Variants in ERN1 observed in about 807,000 individuals in gnomAD.
The protein encoded by ERN1 is serine/threonine-protein kinase/endoribonuclease IRE1.
A neutral mutation model predicts 113.1 loss-of-function variants in ERN1; 39 were observed. That is an observed-to-expected ratio of 0.34 (90% CI 0.27 to 0.45). The LOEUF (loss-of-function observed/expected upper bound fraction) is 0.45, where lower values mean the gene tolerates loss of function less well. Among genes scored for constraint, ERN1 ranks in the 20% least tolerant of loss-of-function variants. The pLI is 1.00. For synonymous variants in ERN1, 507 were observed against 515.9 expected, an observed-to-expected ratio of 0.98 and a Z score of 0.23; for missense variants, 976 against 1,274.8, an observed-to-expected ratio of 0.77 and a Z score of 3.57.
intron 2 of ERN1, among the ~76,000 whole-genome samples, chr17:64,083,793 G>A (rs1293892756): frequency 6.6e-6 from 1 of 152,142 alleles, no homozygotes; most frequent in Non-Finnish European, 1.5e-5. Flanking sequence ...ACACCTGCAG[G>A]AACTGACATC....
intron 2 of ERN1, among the ~76,000 whole-genome samples, chr17:64,089,344 A>T (rs1325107767): frequency 6.7e-6 from 1 of 150,308 alleles, no homozygotes; most frequent in African/African-American, 2.5e-5. Context: ...AAAAAAAAAA[A>T]AGAGGAACGT....
intron 2 of ERN1, among the ~76,000 whole-genome samples, chr17:64,086,037 C>T (rs922628242): frequency 6.6e-6 from 1 of 152,174 alleles, no homozygotes; most frequent in African/African-American, 2.4e-5. Flanking sequence ...ATGCTTTTGT[C>T]TTCACACTCA....
chr17:64,128,041 A>C (rs1001157835), intron 1 of ERN1, among the ~76,000 whole-genome samples: 6 of 150,986 alleles, frequency 4.0e-5, no homozygotes, highest in Non-Finnish European at 7.4e-5. Flanking sequence ...TTGCTCTGTC[A>C]CCCAGGCTGG....
At position 64,049,335 on chromosome 17, in the gene ERN1, A is replaced by G. The variant is rs1413183586; in HGVS notation, c.2254-133T>C. ...CTGGGAGAATCAGCTGACATATGTGAGCTGCACAGAGCAGCGAGGGCTAAC... is the reference window on the plus strand; with the variant it reads ...CTGGGAGAATCAGCTGACATATGTGGGCTGCACAGAGCAGCGAGGGCTAAC... On this transcript the variant is annotated intron_variant, in intron 17 of 21. Transcript: ENST00000433197. This position sits in a 1 kb window ranked among gnomAD's most constrained non-coding sequence, Gnocchi z 4.7. 2 of 899,264 alleles carry G rather than the reference A, an allele frequency of 2.2e-6. No individual in the cohort carries two copies. Among genetic ancestry groups the G allele is most frequent in the Non-Finnish European group, 3.2e-6 (2 of 627,944 alleles). 55.7% of individuals were successfully genotyped at this position (899,264 alleles called of 1,614,324 possible). A position where few individuals can be genotyped will look rare whatever the true frequency, so the allele number is the denominator to read the frequency against.
At chr17:64,059,329 G>T (rs1161278330) in intron 11 of ERN1, among the ~76,000 whole-genome samples, 2 of 152,168 alleles carry the variant, frequency 1.3e-5, no homozygotes, top group Non-Finnish European at 2.9e-5. Flanking sequence ...TTGTGCTTTT[G>T]GTCTCGGCAT....
intron 1 of ERN1, among the ~76,000 whole-genome samples, chr17:64,116,927 A>G (rs1598089955): frequency 2.1e-5 from 3 of 143,834 alleles, no homozygotes; most frequent in Non-Finnish European, 4.5e-5. Context: ...ACACGGTGAA[A>G]CCCTGTCTTT....
chr17:64,064,681 G>C (rs1169242495), intron 9 of ERN1, among the ~76,000 whole-genome samples: 11 of 152,230 alleles, frequency 7.2e-5, no homozygotes, highest in Non-Finnish European at 1.5e-4. Flanking sequence ...TGGACTTTCA[G>C]AGACAGAATG....
At chr17:64,084,087 G>A (rs75738140) in intron 2 of ERN1, among the ~76,000 whole-genome samples, 1,786 of 151,796 alleles carry the variant, frequency 0.012, 68 homozygotes, top group Admixed American at 0.085. Flanking sequence ...CCCCTCTCCC[G>A]GGTCCTTTCT....
chr17:64,057,949 G>T lies in ERN1; in HGVS notation c.1251C>A (p.Thr417=). 2 of 1,602,004 alleles carry T rather than the reference G, an allele frequency of 1.2e-6. No individual in the cohort carries two copies. The highest frequency in any genetic ancestry group is 1.7e-6 in the Non-Finnish European group (2 of 1,174,348). The change falls in exon 12 of 22, where the codon ACC becomes ACA. Residue 417 remains threonine (T), a synonymous_variant. Transcript: ENST00000433197. ...GCTTCTCCTCCACATCCCGAGACAC[G>T]GTGGTAGGTGCGTTTTCTGAAGTCT... is the stretch of plus-strand genomic sequence containing the variant. ...VDQTSENAPT[T]VSRDVEEKPA...
intron 1 of ERN1, among the ~76,000 whole-genome samples, chr17:64,107,460 T>C (rs1914560744): frequency 6.6e-6 from 1 of 152,026 alleles, no homozygotes; most frequent in African/African-American, 2.4e-5. Flanking sequence ...TAGCTGCGAC[T>C]ACAAGCATGC....
rs558836549 is a variant in ERN1, at chr17:64,088,291, C to G, written c.176-7483G>C. ...GTTCTTTCTGACCCCATCTGACCACCCTTCTGACCCCCATAACGCAGCAAT... is the reference window on the plus strand; with the variant it reads ...GTTCTTTCTGACCCCATCTGACCACGCTTCTGACCCCCATAACGCAGCAAT... On this transcript the variant is annotated intron_variant, in intron 2 of 21. Coordinates refer to ENST00000433197, the MANE Select transcript of ERN1 (RefSeq NM_001433.5). Among the ~76,000 whole-genome samples, 21 of 152,254 alleles carry G rather than the reference C, an allele frequency of 1.4e-4. No individual in the cohort carries two copies. The South Asian group carries it at 3.1e-3, about 23-fold the overall frequency.
intron 17 of ERN1, among the ~76,000 whole-genome samples, chr17:64,050,683 G>A (rs1912655161): frequency 6.6e-6 from 1 of 152,162 alleles, no homozygotes; most frequent in Non-Finnish European, 1.5e-5. Flanking sequence ...TTAATGCAAG[G>A]GGGAAAATGA....
rs1279471851 is a variant in ERN1, at chr17:64,039,829, C to T, written c.*4159G>A. On this transcript the variant is annotated 3_prime_UTR_variant, in exon 22 of 22. Coordinates refer to ENST00000433197, the MANE Select transcript of ERN1 (RefSeq NM_001433.5). ...ACAGTACACAGGGGAGGTGGGGGGG[C>T]TTTGGCCAAAGTGTTGGTTAAGGCT... 6.6e-6 allele frequency: 1 copy of T among 152,146 alleles called. No homozygotes were observed. Among genetic ancestry groups the T allele is most frequent in the Admixed American group, 6.5e-5 (1 of 15,276 alleles). The allele number at this position is 152,146 out of a possible 1,614,324, so 9.4% of individuals were successfully genotyped here. A position where few individuals can be genotyped will look rare whatever the true frequency, so the allele number is the denominator to read the frequency against.
rs994809082 is a variant in ERN1 at position 64,043,675 on chromosome 17, A to C, written c.*313T>G. ...ACTGACATTAAGCAGGAATTTAAAA[A>C]GTCTGAAGCAAGTTTATCCAGTAGA... On this transcript the variant is annotated 3_prime_UTR_variant, in exon 22 of 22. Transcript: ENST00000433197. The C allele has an allele frequency of 3.3e-5, 9 of 269,954 alleles. No individual in the cohort carries two copies. The highest frequency in any genetic ancestry group is 6.2e-5 in the Non-Finnish European group (9 of 144,226). 16.7% of individuals were successfully genotyped at this position (269,954 alleles called of 1,614,324 possible). A position where few individuals can be genotyped will look rare whatever the true frequency, so the allele number is the denominator to read the frequency against.
chr17:64,123,711 GT>G lies in ERN1; in HGVS notation c.54+6264del, dbSNP rs148386838. The stretch of plus-strand genomic sequence containing the variant: ...CTAAGCACTTAAAACTCATTCAAGA[GT>G]TTAGCAACAAGAAAGTTCATTACAT... On this transcript the variant is annotated intron_variant, in intron 1 of 21. Transcript: ENST00000433197. Among the ~76,000 whole-genome samples the G allele has an allele frequency of 2.4e-3, 369 of 152,012 alleles. 2 individuals carry two copies. The highest frequency in any genetic ancestry group is 2.2e-3 in the Non-Finnish European group (151 of 67,988).
At chr17:64,092,274 A>C (rs1423333969) in intron 2 of ERN1, among the ~76,000 whole-genome samples, 1 of 152,144 alleles carries the variant, frequency 6.6e-6, no homozygotes, top group Non-Finnish European at 1.5e-5. Context: ...GCACAGCATC[A>C]TTCTATTTTC....
chr17:64,097,737 T>G (rs1448196441), intron 2 of ERN1, among the ~76,000 whole-genome samples: 1 of 152,192 alleles, frequency 6.6e-6, no homozygotes, highest in Non-Finnish European at 1.5e-5. Context: ...AAATGAGTAA[T>G]TTGAGGTGTT....
At chr17:64,067,057 C>G (rs900812147) in intron 7 of ERN1, 125 bp from the exon 8 acceptor site, 19 of 984,520 alleles carry the variant, frequency 1.9e-5, no homozygotes, top group East Asian at 7.9e-5. Context: ...ATTCTCAGAT[C>G]TCCTCTGAGC....
chr17:64,095,623 G>A (rs1914208603), intron 2 of ERN1, among the ~76,000 whole-genome samples: 1 of 151,952 alleles, frequency 6.6e-6, no homozygotes, highest in Non-Finnish European at 1.5e-5. Flanking sequence ...CCCACACACA[G>A]CTGCTAGAGT....
Sources: gnomAD v4.1 joint callset for allele counts (sites outside exome capture counted in the v4.1 genomes callset) on GRCh38, gnomAD v4.1.1 for gene constraint, Gnocchi (gnomAD v3.1) non-coding constraint, MANE v1.5 for transcripts, NCBI Gene and HGNC (gene_info 2026-07-23, HGNC 2026-07-21) for gene names.